The following COLGALT1 variants were observed in gnomAD, a reference collection of about 807,000 sequenced individuals.
The protein encoded by COLGALT1 is collagen beta(1-O)galactosyltransferase 1.
COLGALT1 carries 43 observed loss-of-function variants against 60.8 expected under a neutral mutation model. That is an observed-to-expected ratio of 0.71 (90% CI 0.55 to 0.91). The LOEUF (loss-of-function observed/expected upper bound fraction) is 0.91, where lower values mean the gene tolerates loss of function less well. Ranked by LOEUF, COLGALT1 falls within the 40% of genes least tolerant of loss-of-function variation. The pLI is 0.00. For synonymous variants in COLGALT1, 369 were observed against 374.2 expected, an observed-to-expected ratio of 0.99 and a Z score of 0.16; for missense variants, 845 against 880.0, an observed-to-expected ratio of 0.96 and a Z score of 0.50.
intron 1 of COLGALT1, chr19:17,556,586 G>A: frequency 1.0e-6 from 1 of 972,214 alleles, no homozygotes. Context: ...CCTTTGACTG[G>A]TGACTTCTCA....
At chr19:17,574,047 A>G (rs2076327227) in intron 6 of COLGALT1, among the ~76,000 whole-genome samples, 1 of 151,962 alleles carries the variant, frequency 6.6e-6, no homozygotes, top group Non-Finnish European at 1.5e-5. Context: ...GTCCCTCTAA[A>G]ACTGGAGGAG....
intron 6 of COLGALT1, among the ~76,000 whole-genome samples, chr19:17,575,672 C>G (rs755246131): frequency 3.3e-5 from 5 of 151,574 alleles, no homozygotes; most frequent in Non-Finnish European, 7.4e-5. Context: ...AACCACTGTG[C>G]CCGGCCTTCT....
At position 17,568,132 on chromosome 19, in the gene COLGALT1, T is replaced by C. The variant is rs934550210; in HGVS notation, c.625-377T>C. Among the ~76,000 whole-genome samples, 22 of 152,236 alleles carry C rather than the reference T, an allele frequency of 1.4e-4. 1 individual carries two copies. Among genetic ancestry groups the C allele is most frequent in the Admixed American group, 1.4e-3 (22 of 15,284 alleles). On this transcript the variant is annotated intron_variant, in intron 4 of 11. Coordinates refer to ENST00000252599, the MANE Select transcript of COLGALT1 (RefSeq NM_024656.4). ...CAGCTAGCAAGTGGTGGTGTCAGGA[T>C]GGGACTTCAGGCATGGCTTGATCCA...
At chr19:17,557,064 T>A (rs1051676149) in intron 1 of COLGALT1, among the ~76,000 whole-genome samples, 2 of 152,232 alleles carry the variant, frequency 1.3e-5, no homozygotes, top group Admixed American at 6.5e-5. Flanking sequence ...CTGTCATTGC[T>A]GGTGTTATTG....
In COLGALT1 at chr19:17,567,438, T is replaced by G; in HGVS notation, c.522T>G (p.Pro174=). The change falls in exon 4 of 12, where the codon CCT becomes CCG. Residue 174 remains proline, a synonymous_variant. Transcript: ENST00000252599. ...ATGCGGACAACCTGATCCTCAACCCTGACACACTGAGCCTGCTCATCGCTG... is the reference window on the plus strand; with the variant it reads ...ATGCGGACAACCTGATCCTCAACCCGGACACACTGAGCCTGCTCATCGCTG... The part of the protein sequence containing the change: ...FVDADNLILN[P]DTLSLLIAEN... 1.2e-6 allele frequency: 2 copies of G among 1,613,968 alleles called. No individual in the cohort carries two copies. The highest frequency in any genetic ancestry group is 1.1e-5 in the South Asian group (1 of 91,080).
chr19:17,567,920 G>C (rs940546078), intron 4 of COLGALT1, among the ~76,000 whole-genome samples: 1 of 152,180 alleles, frequency 6.6e-6, no homozygotes, highest in African/African-American at 2.4e-5. Context: ...CTGCACTCCA[G>C]CCTGGGTGAC....
intron 6 of COLGALT1, among the ~76,000 whole-genome samples, chr19:17,573,527 CA>C (rs907510440): frequency 1.9e-4 from 28 of 146,960 alleles, no homozygotes; most frequent in South Asian, 8.7e-4. Context: ...AACTCCGTCT[CA>C]AAAAAAAAAA....
chr19:17,571,140 G>T (rs965426747), intron 5 of COLGALT1, among the ~76,000 whole-genome samples: 1 of 152,122 alleles, frequency 6.6e-6, no homozygotes, highest in Non-Finnish European at 1.5e-5. Flanking sequence ...AAAAGAGGCC[G>T]GGTGTAGTGG....
intron 6 of COLGALT1, among the ~76,000 whole-genome samples, chr19:17,574,885 G>A (rs548895631): frequency 4.6e-5 from 7 of 151,370 alleles, no homozygotes; most frequent in African/African-American, 1.7e-4. Context: ...TTGAGACAGA[G>A]TCTCGCTGTT....
Position 17,579,527 on chromosome 19 carries a change from C to T in COLGALT1, c.1312C>T (p.Leu438=). Residue 438 remains leucine (L), a synonymous_variant, in exon 10 of 12, where the codon CTG becomes TTG. Transcript: ENST00000252599. ...GAAATCGCTTGTGTTTGAGGATGAC[C>T]TGCGTTTTGAGATCTTCTTCAAGAG... ...LQKSLVFEDD[L]RFEIFFKRRL... 1 of 1,614,096 alleles carries T rather than the reference C, an allele frequency of 6.2e-7. No individual in the cohort carries two copies. The highest frequency in any genetic ancestry group is 8.5e-7 in the Non-Finnish European group (1 of 1,180,028).
intron 10 of COLGALT1, chr19:17,580,458 G>T (rs2076373349): frequency 5.3e-6 from 3 of 569,336 alleles, no homozygotes; most frequent in Middle Eastern, 4.8e-4. Flanking sequence ...GCGTGATCCT[G>T]CTCTCCCCAG....
rs577809668 is a variant in COLGALT1 at position 17,576,890 on chromosome 19, A to G, written c.950-305A>G. Among the ~76,000 whole-genome samples the G allele has an allele frequency of 2.5e-4, 26 of 104,228 alleles. No individual in the cohort carries two copies. The East Asian group carries it at 6.6e-3, about 26-fold the overall frequency. The allele number at this position is 104,228 out of a possible 152,430, so 68.4% of individuals were successfully genotyped here. On this transcript the variant is annotated intron_variant, in intron 6 of 11. Coordinates refer to ENST00000252599, the MANE Select transcript of COLGALT1 (RefSeq NM_024656.4). ...TGAGGCTGGGACCTGGGGCGAGTCC[A>G]GGGTTGAGTAGCGGGGCCTTGGGCG...
rs756974396 is a variant in COLGALT1 at position 17,577,412 on chromosome 19, C to G, written c.1078C>G (p.Arg360Gly). Residue 360 changes from arginine to glycine, a missense_variant, in exon 8 of 12, where the codon CGG becomes GGG. Arg to Gly is a moderately radical substitution (Grantham distance 125, BLOSUM62 -2). Transcript: ENST00000252599. ...RRQDRRERML[R>G]ALQAQEIECR... ...GCAGGACCGGCGGGAGCGCATGCTGCGGGCGCTGCAGGCACAGGAGATCGA... is the reference window on the plus strand; with the variant it reads ...GCAGGACCGGCGGGAGCGCATGCTGGGGGCGCTGCAGGCACAGGAGATCGA... The G allele has an allele frequency of 5.3e-6, 8 of 1,507,600 alleles. No individual in the cohort carries two copies. Among genetic ancestry groups the G allele is most frequent in the Non-Finnish European group, 6.2e-6 (7 of 1,126,466 alleles). The allele number at this position is 1,507,600 out of a possible 1,614,324, so 93.4% of individuals were successfully genotyped here. A position where few individuals can be genotyped will look rare whatever the true frequency, so the allele number is the denominator to read the frequency against.
At chr19:17,562,849 G>C (rs555307382) in intron 3 of COLGALT1, among the ~76,000 whole-genome samples, 4 of 152,118 alleles carry the variant, frequency 2.6e-5, no homozygotes, top group Admixed American at 1.3e-4. Context: ...AGAGAGGAAC[G>C]GGGACAGTGC....
chr19:17,555,774 C>G lies in COLGALT1; in HGVS notation c.61C>G (p.Leu21Val), dbSNP rs2144809791. Residue 21 changes from leucine to valine, a missense_variant, in exon 1 of 12, where the codon CTG (leucine) becomes GTG (valine). Transcript: ENST00000252599. ...GCAGCCGCTCCTGGCGCTGCTGCTT[C>G]TGCTGCTGGCGCCACTGCCGCCGGG... The part of the protein sequence containing the change: ...RGQPLLALLL[L>V]LLAPLPPGAP... The G allele has an allele frequency of 8.1e-7, 1 of 1,236,686 alleles. No individual in the cohort carries two copies. Among genetic ancestry groups the G allele is most frequent in the African/African-American group, 1.6e-5 (1 of 63,868 alleles). The allele number at this position is 1,236,686 out of a possible 1,614,324, so 76.6% of individuals were successfully genotyped here.
chr19:17,562,757 GGA>G (rs2076256695), intron 3 of COLGALT1, among the ~76,000 whole-genome samples: 1 of 152,110 alleles, frequency 6.6e-6, no homozygotes, highest in Non-Finnish European at 1.5e-5. Flanking sequence ...TGGGGGCCGT[GGA>G]GAAAGGCAGG....
At chr19:17,565,663 CTG>C (rs1179816071) in intron 3 of COLGALT1, among the ~76,000 whole-genome samples, 4 of 152,070 alleles carry the variant, frequency 2.6e-5, no homozygotes, top group African/African-American at 7.2e-5. Context: ...GAGCAAGACT[CTG>C]TCTCAAAAAC....
In COLGALT1 at chr19:17,560,382, T is replaced by G; in HGVS notation, c.406T>G (p.Ser136Ala). 1 of 1,614,090 alleles carries G rather than the reference T, an allele frequency of 6.2e-7. No individual in the cohort carries two copies. Among genetic ancestry groups the G allele is most frequent in the Non-Finnish European group, 8.5e-7 (1 of 1,180,006 alleles). Residue 136 changes from serine (S) to alanine (A), a missense_variant, in exon 3 of 12, where the codon TCT becomes GCT. Coordinates refer to ENST00000252599, the MANE Select transcript of COLGALT1 (RefSeq NM_024656.4). The part of the protein sequence containing the change: ...YPDEEGPKHW[S>A]DSRYEHVMKL... ...GGACGAGGAAGGCCCGAAACACTGG[T>G]CTGACTCACGCTACGAGCATGTCAT... is the stretch of plus-strand genomic sequence containing the variant.
intron 5 of COLGALT1, among the ~76,000 whole-genome samples, chr19:17,572,279 G>C (rs1047388975): frequency 6.6e-6 from 1 of 151,360 alleles, no homozygotes; most frequent in Non-Finnish European, 1.5e-5. Flanking sequence ...CTGCACTCCA[G>C]CCTGGGAGAG....
Sources: allele counts gnomAD v4.1 joint callset (sites outside exome capture counted in the v4.1 genomes callset), GRCh38; gene constraint gnomAD v4.1.1; transcripts MANE v1.5; gene names NCBI Gene and HGNC (gene_info 2026-07-23, HGNC 2026-07-21).